GABRB1: variants seen among roughly 807,000 people sequenced by gnomAD.
GABRB1 encodes the protein gamma-aminobutyric acid type A receptor subunit beta1, also known as gamma-aminobutyric acid receptor subunit beta-1.
In GABRB1, 17 loss-of-function variants were observed where a neutral mutation model predicts 51.6. The ratio of observed to expected loss-of-function variants is 0.33; its 90% CI spans 0.23 to 0.49. The LOEUF is 0.49. Ranked by LOEUF, GABRB1 falls within the 20% of genes least tolerant of loss-of-function variation. The pLI is 0.99. For missense variants in GABRB1, 410 were observed against 600.6 expected (o/e 0.68, Z 3.32); for synonymous variants, 247 against 218.9 (o/e 1.13, Z -1.14).
intron 4 of GABRB1, among the ~76,000 whole-genome samples, chr4:47,272,333 T>TA (rs1467618892): frequency 6.6e-6 from 1 of 152,132 alleles, no homozygotes; most frequent in Non-Finnish European, 1.5e-5. Flanking sequence ...TCCCCTTCTT[T>TA]AAAAAAATGT....
intron 4 of GABRB1, among the ~76,000 whole-genome samples, chr4:47,171,421 A>T (rs190664187): frequency 9.4e-4 from 143 of 152,256 alleles, no homozygotes; most frequent in Middle Eastern, 3.4e-3. Context: ...GATGTATCAG[A>T]TTCTGAAAAC....
At chr4:47,246,606 T>G (rs775598950) in intron 4 of GABRB1, among the ~76,000 whole-genome samples, 42 of 151,374 alleles carry the variant, frequency 2.8e-4, no homozygotes, top group Admixed American at 4.0e-4. Context: ...ATCTTCACAC[T>G]GTTTTCCACA....
Position 47,403,392 on chromosome 4 carries a change from G to C in GABRB1, c.619G>C (p.Glu207Gln). 1.2e-6 allele frequency: 2 copies of C among 1,613,946 alleles called. No homozygotes were observed. The highest frequency in any genetic ancestry group is 1.7e-6 in the Non-Finnish European group (2 of 1,179,918). Residue 207 changes from glutamate to glutamine, a missense_variant, in exon 6 of 9, where the codon GAA (glutamate) becomes CAA (glutamine). Around this residue, in one of 5 missense-constraint regions of GABRB1, gnomAD observed 36 missense variants for 39.7 expected, o/e 0.91. Transcript: ENST00000295454. ...GGCAGTCACTGGTGTTAATAAAATC[G>C]AACTTCCTCAATTTTCAATTGTTGA... is the stretch of plus-strand genomic sequence containing the variant. ...EGAVTGVNKI[E>Q]LPQFSIVDYK...
chr4:47,127,559 C>T (rs1343711024), intron 3 of GABRB1, among the ~76,000 whole-genome samples: 1 of 151,680 alleles, frequency 6.6e-6, no homozygotes, highest in Non-Finnish European at 1.5e-5. Flanking sequence ...ATTCATTAGC[C>T]ATTAAAGTGA....
chr4:47,079,859 G>A (rs998924109), intron 3 of GABRB1, among the ~76,000 whole-genome samples: 1 of 95,418 alleles, frequency 1.0e-5, no homozygotes, highest in African/African-American at 4.3e-5. Flanking sequence ...GGGGTGGGGG[G>A]AGGGGGGAGG....
chr4:47,386,658 C>A (rs1264984426), intron 5 of GABRB1, among the ~76,000 whole-genome samples: 1 of 152,032 alleles, frequency 6.6e-6, no homozygotes, highest in African/African-American at 2.4e-5. Flanking sequence ...TTATCATGAG[C>A]CTACAGACAT....
intron 3 of GABRB1, among the ~76,000 whole-genome samples, chr4:47,080,272 TTCTGTGGCAGATCCCAAAGAA>T (rs1727768367): frequency 6.6e-6 from 1 of 150,382 alleles, no homozygotes; most frequent in African/African-American, 2.5e-5. Context: ...ACTCCATCCT[TTCTGTGGCAGATCCCAAAGAA>T]TGAAGAAAAA....
intron 4 of GABRB1, among the ~76,000 whole-genome samples, chr4:47,257,071 T>A (rs949958217): frequency 4.6e-5 from 7 of 152,134 alleles, no homozygotes; most frequent in African/African-American, 1.4e-4. Flanking sequence ...GTGGAAGGCT[T>A]CCATCTGGGT....
At chr4:47,291,693 CA>C (rs1227983990) in intron 4 of GABRB1, among the ~76,000 whole-genome samples, 2 of 152,140 alleles carry the variant, frequency 1.3e-5, no homozygotes, top group Non-Finnish European at 2.9e-5. Context: ...GACATGAAGT[CA>C]AAGGAGATCT....
At chr4:47,080,932 C>A (rs1489039827) in intron 3 of GABRB1, among the ~76,000 whole-genome samples, 1 of 152,074 alleles carries the variant, frequency 6.6e-6, no homozygotes, top group Non-Finnish European at 1.5e-5. Context: ...TCTAGCTATA[C>A]TTAACAATAT....
intron 4 of GABRB1, among the ~76,000 whole-genome samples, chr4:47,187,556 G>A (rs954854396): frequency 2.0e-5 from 3 of 151,678 alleles, no homozygotes; most frequent in Non-Finnish European, 2.9e-5. Flanking sequence ...ACAAACAGAC[G>A]TGCACAATTT....
chr4:47,214,020 C>A (rs1183859301), intron 4 of GABRB1, among the ~76,000 whole-genome samples: 2 of 152,098 alleles, frequency 1.3e-5, no homozygotes, highest in Non-Finnish European at 2.9e-5. Context: ...TAAATTACTC[C>A]TGGTGGATGA....
chr4:47,134,560 AC>A (rs1172712471), intron 3 of GABRB1, among the ~76,000 whole-genome samples: 1 of 152,202 alleles, frequency 6.6e-6, no homozygotes, highest in African/African-American at 2.4e-5. Flanking sequence ...ACTTTGCTAA[AC>A]AATTGTATTA....
intron 4 of GABRB1, among the ~76,000 whole-genome samples, chr4:47,203,162 A>T (rs1023388167): frequency 1.3e-5 from 2 of 152,176 alleles, no homozygotes; most frequent in African/African-American, 4.8e-5. Flanking sequence ...CAAGTCAGCC[A>T]CTTTGCTTGG....
At chr4:47,272,653 C>T (rs1289211282) in intron 4 of GABRB1, among the ~76,000 whole-genome samples, 1 of 151,912 alleles carries the variant, frequency 6.6e-6, no homozygotes, top group Non-Finnish European at 1.5e-5. Flanking sequence ...TTAGGTATTC[C>T]TCTGTCTCTT....
chr4:47,388,174 C>T (rs1269576052), intron 5 of GABRB1, among the ~76,000 whole-genome samples: 1 of 152,060 alleles, frequency 6.6e-6, no homozygotes, highest in African/African-American at 2.4e-5. Flanking sequence ...AAATAAGCTG[C>T]AATTAAATGT....
chr4:47,085,671 C>T (rs1431424534), intron 3 of GABRB1, among the ~76,000 whole-genome samples: 1 of 152,132 alleles, frequency 6.6e-6, no homozygotes, highest in African/African-American at 2.4e-5. Context: ...CAGCCTAAAA[C>T]CTAAGTGTCT....
At chr4:47,133,921 A>G (rs1002555492) in intron 3 of GABRB1, among the ~76,000 whole-genome samples, 4 of 152,194 alleles carry the variant, frequency 2.6e-5, no homozygotes, top group Non-Finnish European at 5.9e-5. Context: ...TCAAATTTTC[A>G]TTCACTAGCT....
At chr4:47,042,287 A>G (rs550075937) in intron 3 of GABRB1, among the ~76,000 whole-genome samples, 1 of 150,396 alleles carries the variant, frequency 6.6e-6, no homozygotes, top group Non-Finnish European at 1.5e-5. Flanking sequence ...TTGACCATGA[A>G]TCATGAGCTG....
Sources: gnomAD v4.1 joint callset for allele counts (sites outside exome capture counted in the v4.1 genomes callset) on GRCh38, gnomAD v4.1.1 for gene constraint, gnomAD v4.1.1 regional missense constraint, MANE v1.5 for transcripts, NCBI Gene and HGNC (gene_info 2026-07-23, HGNC 2026-07-21) for gene names.